The following SCN3B variants were observed in gnomAD, a reference collection of about 807,000 sequenced individuals.
SCN3B encodes sodium channel regulatory subunit beta-3.
SCN3B carries 11 observed loss-of-function variants against 25.4 expected under a neutral mutation model. That is an observed-to-expected ratio of 0.43 (90% CI 0.27 to 0.72). The LOEUF (loss-of-function observed/expected upper bound fraction) is 0.72. SCN3B is among the 30% of genes least tolerant of loss of function. SCN3B has a pLI of 0.18. For missense variants in SCN3B, 218 were observed against 278.3 expected (o/e 0.78, Z 1.54); for synonymous variants, 109 against 110.7 (o/e 0.99, Z 0.09).
At position 123,642,138 on chromosome 11, in the gene SCN3B, A is replaced by G. The variant is rs1403543032; in HGVS notation, c.445+308T>C. Among the ~76,000 whole-genome samples, 1 of 152,226 alleles carries G rather than the reference A, an allele frequency of 6.6e-6. No individual in the cohort carries two copies. ...CAACATAGGCCAAAGAAGAAGGCCTAGCTGAATCAGTAGCTTTAGGCCTCA... is the reference window on the plus strand; with the variant it reads ...CAACATAGGCCAAAGAAGAAGGCCTGGCTGAATCAGTAGCTTTAGGCCTCA... On this transcript the variant is annotated intron_variant, in intron 4 of 6. Transcript: ENST00000299333. This position sits in a 1 kb window ranked among gnomAD's most constrained non-coding sequence, Gnocchi z 4.3.
chr11:123,635,379 T>C (rs1565493887), intron 5 of SCN3B, among the ~76,000 whole-genome samples: 1 of 152,160 alleles, frequency 6.6e-6, no homozygotes, highest in Non-Finnish European at 1.5e-5. Flanking sequence ...TGTATTCTGA[T>C]AGCTCTGTAA....
chr11:123,629,675 G>T lies in SCN3B; in HGVS notation c.*4124C>A, dbSNP rs556339328. The T allele has an allele frequency of 5.3e-5, 8 of 152,320 alleles. No homozygotes were observed. The highest frequency in any genetic ancestry group is 1.7e-4 in the African/African-American group (7 of 41,564). 9.4% of individuals were successfully genotyped at this position (152,320 alleles called of 1,614,324 possible). A position where few individuals can be genotyped will look rare whatever the true frequency, so the allele number is the denominator to read the frequency against. ...TCTAGGCTAGAGCTTGACAGAGTGG[G>T]TGCAAAAAGATGTTAGTAGAATGAG... is the stretch of plus-strand genomic sequence containing the variant. On this transcript the variant is annotated 3_prime_UTR_variant, in exon 7 of 7. Coordinates refer to ENST00000299333, the MANE Select transcript of SCN3B (RefSeq NM_001040151.2).
rs996388854 is a variant in SCN3B at position 123,632,119 on chromosome 11, T to C, written c.*1680A>G. 5.9e-5 allele frequency: 9 copies of C among 152,182 alleles called. No homozygotes were observed. The highest frequency in any genetic ancestry group is 2.2e-4 in the African/African-American group (9 of 41,446). 9.4% of individuals were successfully genotyped at this position (152,182 alleles called of 1,614,324 possible). On this transcript the variant is annotated 3_prime_UTR_variant, in exon 7 of 7. Coordinates refer to ENST00000299333, the MANE Select transcript of SCN3B (RefSeq NM_001040151.2). Reference sequence around the variant, plus strand: ...TTAAAATGAAACACGAGATATTGACTAAAGTTTTTTCCAGTTTCTCTGCTC... The same window carrying C: ...TTAAAATGAAACACGAGATATTGACCAAAGTTTTTTCCAGTTTCTCTGCTC...
chr11:123,653,433 A>G (rs558581095), intron 2 of SCN3B, among the ~76,000 whole-genome samples: 3 of 151,792 alleles, frequency 2.0e-5, no homozygotes, highest in Non-Finnish European at 4.4e-5. Flanking sequence ...GGAGGTTTTT[A>G]TTCGTGAACG....
At chr11:123,635,085 T>C (rs1955710246) in intron 5 of SCN3B, among the ~76,000 whole-genome samples, 1 of 152,266 alleles carries the variant, frequency 6.6e-6, no homozygotes, top group South Asian at 2.1e-4. Flanking sequence ...TTATATTCCC[T>C]TAATGGAATT....
chr11:123,645,436 TA>T, intron 3 of SCN3B, 150 bp downstream of exon 3: 1 of 880,316 alleles, frequency 1.1e-6, no homozygotes, highest in Non-Finnish European at 1.9e-6. Context: ...GGGGCTTCAC[TA>T]AGGCTGTCAG....
chr11:123,649,985 T>G (rs1393355120), intron 2 of SCN3B, among the ~76,000 whole-genome samples: 1 of 152,192 alleles, frequency 6.6e-6, no homozygotes, highest in Non-Finnish European at 1.5e-5. Flanking sequence ...ATTACAGACA[T>G]GAGCCACAGC....
intron 5 of SCN3B, among the ~76,000 whole-genome samples, chr11:123,637,654 G>A (rs1346185492): frequency 1.3e-5 from 2 of 151,852 alleles, no homozygotes; most frequent in East Asian, 1.9e-4. Context: ...TCAGCCTCCC[G>A]AGTAGCTGGG....
At chr11:123,634,062 G>T (rs1955699472) in intron 6 of SCN3B, 59 bp downstream of exon 6, 2 of 1,381,564 alleles carry the variant, frequency 1.4e-6, no homozygotes, top group Admixed American at 1.7e-5. Context: ...GGGCAACAAA[G>T]TCACTTGTAC....
chr11:123,635,381 G>A (rs1159602620), intron 5 of SCN3B, among the ~76,000 whole-genome samples: 5 of 151,918 alleles, frequency 3.3e-5, no homozygotes, highest in Non-Finnish European at 5.9e-5. Flanking sequence ...TATTCTGATA[G>A]CTCTGTAAGA....
At chr11:123,650,325 T>C (rs569744834) in intron 2 of SCN3B, among the ~76,000 whole-genome samples, 18 of 152,334 alleles carry the variant, frequency 1.2e-4, no homozygotes, top group Middle Eastern at 3.4e-3. Context: ...TGCCCAATTT[T>C]TCCTCCTGAG....
intron 3 of SCN3B, among the ~76,000 whole-genome samples, chr11:123,644,338 C>T (rs961658781): frequency 7.2e-5 from 11 of 151,954 alleles, no homozygotes; most frequent in African/African-American, 2.2e-4. Context: ...ATGAGGAAAC[C>T]GAGGCACAGA....
At chr11:123,645,895 T>G in intron 2 of SCN3B, 145 bp from the exon 3 acceptor site, 8 of 747,378 alleles carry the variant, frequency 1.1e-5, no homozygotes, top group Non-Finnish European at 1.6e-5. Context: ...CACGTGCACA[T>G]GTCTACACCT....
chr11:123,630,768 G>C lies in SCN3B; in HGVS notation c.*3031C>G, dbSNP rs1170856690. On this transcript the variant is annotated 3_prime_UTR_variant, in exon 7 of 7. Coordinates refer to ENST00000299333, the MANE Select transcript of SCN3B (RefSeq NM_001040151.2). ...TTGCTAGCATCCACCAAAAAGCAAA[G>C]TGGTAGAGAAGCAGTGAGTGGGATT... The C allele has an allele frequency of 7.9e-5, 12 of 152,256 alleles. No individual in the cohort carries two copies. 9.4% of individuals were successfully genotyped at this position (152,256 alleles called of 1,614,324 possible).
At chr11:123,650,802 C>T (rs1012614706) in intron 2 of SCN3B, among the ~76,000 whole-genome samples, 1 of 152,160 alleles carries the variant, frequency 6.6e-6, no homozygotes, top group Non-Finnish European at 1.5e-5. Context: ...TTTCTCATCT[C>T]TAAACTGGAA....
At chr11:123,649,302 T>C (rs547555201) in intron 2 of SCN3B, among the ~76,000 whole-genome samples, 45 of 152,296 alleles carry the variant, frequency 3.0e-4, no homozygotes, top group African/African-American at 1.0e-3. Flanking sequence ...GGATGGCAAA[T>C]GGGGTATGGC....
At chr11:123,653,984 G>C in intron 1 of SCN3B, 158 bp from the exon 2 acceptor site, 1 of 673,108 alleles carries the variant, frequency 1.5e-6, no homozygotes, top group Admixed American at 2.5e-5. Flanking sequence ...GAGCCGGGTG[G>C]GGGCTTTGGG....
chr11:123,653,340 T>A (rs981584082), intron 2 of SCN3B, among the ~76,000 whole-genome samples: 14 of 146,006 alleles, frequency 9.6e-5, no homozygotes, highest in Non-Finnish European at 1.7e-4. Context: ...TTTTTTTTTT[T>A]AATATACAGA....
intron 2 of SCN3B, among the ~76,000 whole-genome samples, chr11:123,646,684 T>C (rs1565497470): frequency 6.6e-6 from 1 of 152,148 alleles, no homozygotes; most frequent in Non-Finnish European, 1.5e-5. Context: ...AGTCTGTTTT[T>C]TAAAAGGAGG....
Sources: gnomAD v4.1 joint callset for allele counts (sites outside exome capture counted in the v4.1 genomes callset) on GRCh38, gnomAD v4.1.1 for gene constraint, Gnocchi (gnomAD v3.1) non-coding constraint, MANE v1.5 for transcripts, NCBI Gene and HGNC (gene_info 2026-07-23, HGNC 2026-07-21) for gene names.